The following MINAR1 variants were observed in gnomAD, a reference collection of about 807,000 sequenced individuals.
The protein encoded by MINAR1 is major intrinsically disordered Notch2-binding receptor 1.
Under a neutral mutation model 65.1 loss-of-function variants are expected in MINAR1, and 40 were observed. The ratio of observed to expected loss-of-function variants is 0.61; its 90% CI spans 0.48 to 0.80. The LOEUF is 0.80. MINAR1 is among the 30% of genes least tolerant of loss of function. The pLI is 0.00. For synonymous variants in MINAR1, 482 were observed against 449.1 expected, an observed-to-expected ratio of 1.07 and a Z score of -0.93; for missense variants, 1,128 against 1,148.0, an observed-to-expected ratio of 0.98 and a Z score of 0.25.
chr15:79,461,020 G>A (rs753336247), intron 2 of MINAR1, among the ~76,000 whole-genome samples: 2 of 152,128 alleles, frequency 1.3e-5, no homozygotes, highest in African/African-American at 2.4e-5. Flanking sequence ...TCCCGTCAAG[G>A]CCCCTTACTT....
In MINAR1 at chr15:79,468,310, G is replaced by A. The variant is rs143794901; in HGVS notation, c.2677G>A (p.Ala893Thr). ...EFRRAKVCKI[A>T]ALIAAAACTV... ...CAGACGAGCCAAGGTCTGCAAGATAGCTGCTCTGATCGCTGCTGCGGCATG... is the reference window on the plus strand; with the variant it reads ...CAGACGAGCCAAGGTCTGCAAGATAACTGCTCTGATCGCTGCTGCGGCATG... Residue 893 changes from alanine (A) to threonine (T), a missense_variant, in exon 4 of 4, where the codon GCT (alanine) becomes ACT (threonine). Physicochemically the swap from Ala to Thr is moderately conservative, Grantham distance 58 (BLOSUM62 0). Coordinates refer to ENST00000305428, the MANE Select transcript of MINAR1 (RefSeq NM_015206.3). 111 of 1,613,968 alleles carry A rather than the reference G, an allele frequency of 6.9e-5. No individual in the cohort carries two copies. The highest frequency in any genetic ancestry group is 4.3e-4 in the Admixed American group (26 of 59,992).
At chr15:79,446,094 T>C (rs1299995205) in intron 1 of MINAR1, among the ~76,000 whole-genome samples, 1 of 152,220 alleles carries the variant, frequency 6.6e-6, no homozygotes, top group Admixed American at 6.5e-5. Context: ...TGTTCCCTTG[T>C]TTTTTCTACA....
At chr15:79,431,237 GC>G (rs1010435374), upstream of MINAR1, among the ~76,000 whole-genome samples, 1 of 152,140 alleles carries the variant, frequency 6.6e-6, no homozygotes, top group African/African-American at 2.4e-5. Flanking sequence ...AGATTCCATG[GC>G]CCCGAAACTA....
rs1488507546 is a variant in MINAR1, at chr15:79,468,920, C to T, written c.*536C>T. On this transcript the variant is annotated 3_prime_UTR_variant, in exon 4 of 4. Transcript: ENST00000305428. Reference sequence around the variant, plus strand: ...CTTTTATCAAGGGCTACTGACGTTTCATTCTTGCCCTTTTGTCATCAACAC... The same window carrying T: ...CTTTTATCAAGGGCTACTGACGTTTTATTCTTGCCCTTTTGTCATCAACAC... 1 of 160,962 alleles carries T rather than the reference C, an allele frequency of 6.2e-6. No individual in the cohort carries two copies. The highest frequency in any genetic ancestry group is 1.4e-5 in the Non-Finnish European group (1 of 72,512). 10.0% of individuals were successfully genotyped at this position (160,962 alleles called of 1,614,324 possible).
chr15:79,415,516 G>A, the MINAR1 span: 2 of 152,166 alleles, frequency 1.3e-5, no homozygotes, highest in Admixed American at 6.5e-5. Context: ...TTTCTGCCAA[G>A]GGTGGCTGAA....
chr15:79,462,673 A>G (rs939014462), intron 2 of MINAR1, among the ~76,000 whole-genome samples: 1 of 151,988 alleles, frequency 6.6e-6, no homozygotes, highest in Non-Finnish European at 1.5e-5. Context: ...CATTAATATC[A>G]GTAGTTAAAC....
chr15:79,430,100 C>T (rs953055356), upstream of MINAR1, among the ~76,000 whole-genome samples: 4 of 152,212 alleles, frequency 2.6e-5, no homozygotes, highest in African/African-American at 9.7e-5. Context: ...CCAACTCTGG[C>T]TGGAACTGAG....
chr15:79,416,892 C>G, the MINAR1 span: 2 of 152,332 alleles, frequency 1.3e-5, no homozygotes, highest in African/African-American at 4.8e-5. Context: ...CTCCTCCTCT[C>G]AGCATCCTCA....
At chr15:79,426,390 G>C in the MINAR1 span, 2 of 152,228 alleles carry the variant, frequency 1.3e-5, no homozygotes, top group Non-Finnish European at 2.9e-5. Context: ...GGCCAAGCTC[G>C]GGCCACTTGC....
chr15:79,467,157 G>A (rs1895894221), intron 3 of MINAR1, among the ~76,000 whole-genome samples: 1 of 152,164 alleles, frequency 6.6e-6, no homozygotes, highest in South Asian at 2.1e-4. Flanking sequence ...ATCAATAAAT[G>A]GTACAACTGA....
intron 1 of MINAR1, among the ~76,000 whole-genome samples, chr15:79,454,640 G>A (rs763686912): frequency 6.6e-6 from 1 of 152,144 alleles, no homozygotes; most frequent in East Asian, 1.9e-4. Context: ...ATCTGTTAAT[G>A]TAGTGTTTTT....
chr15:79,468,582 A>G lies in MINAR1; in HGVS notation c.*198A>G. Reference sequence around the variant, plus strand: ...CTACCTACCTATTAGCTTTGACTCAATTACACTCTGACGCATTTTTAGAAG... The same window carrying G: ...CTACCTACCTATTAGCTTTGACTCAGTTACACTCTGACGCATTTTTAGAAG... On this transcript the variant is annotated 3_prime_UTR_variant, in exon 4 of 4. Transcript: ENST00000305428. The G allele has an allele frequency of 1.7e-6, 1 of 579,514 alleles. No homozygotes were observed. The highest frequency in any genetic ancestry group is 3.0e-6 in the Non-Finnish European group (1 of 329,366). The allele number at this position is 579,514 out of a possible 1,614,324, so 35.9% of individuals were successfully genotyped here.
Position 79,451,717 on chromosome 15 carries a change from G to T in MINAR1, c.-50-4381G>T, listed in dbSNP as rs371126658. On this transcript the variant is annotated intron_variant, in intron 1 of 3. Transcript: ENST00000305428. ...AGCTCTGAAGCCAGGTGGGATGGAA[G>T]TCCTGTGATTGGCCTCTCAGAGTCT... Among the ~76,000 whole-genome samples the T allele has an allele frequency of 1.1e-4, 16 of 152,346 alleles. No individual in the cohort carries two copies. The East Asian group carries it at 3.1e-3, about 29-fold the overall frequency.
Position 79,452,082 on chromosome 15 carries a change from G to C in MINAR1, c.-50-4016G>C, listed in dbSNP as rs184745129. 3.5e-4 allele frequency among the ~76,000 whole-genome samples: 54 copies of C among 152,226 alleles called. No homozygotes were observed. In the East Asian group the frequency reaches 7.5e-3, roughly 21 times the overall value. On this transcript the variant is annotated intron_variant, in intron 1 of 3. Coordinates refer to ENST00000305428, the MANE Select transcript of MINAR1 (RefSeq NM_015206.3). ...TGTGCAGAGGTGTGAATGTGTTTGT[G>C]GATGTGTGGGAGCTTGAGTACTTGT...
the MINAR1 span, chr15:79,423,675 A>G: frequency 1.3e-5 from 2 of 152,222 alleles, no homozygotes; most frequent in Non-Finnish European, 2.9e-5. Context: ...TGGTATAAAC[A>G]TTCAACACGT....
intron 1 of MINAR1, among the ~76,000 whole-genome samples, chr15:79,446,691 T>C (rs1895031845): frequency 6.6e-6 from 1 of 152,176 alleles, no homozygotes; most frequent in Non-Finnish European, 1.5e-5. Flanking sequence ...ATATGTCTTA[T>C]TTAGTATTTA....
intron 1 of MINAR1, among the ~76,000 whole-genome samples, chr15:79,448,086 C>T (rs1169574587): frequency 6.6e-6 from 1 of 152,194 alleles, no homozygotes; most frequent in Non-Finnish European, 1.5e-5. Flanking sequence ...GGGCATTTAG[C>T]TTGCTCTCGC....
chr15:79,458,260 A>C lies in MINAR1; in HGVS notation c.2113A>C (p.Thr705Pro), dbSNP rs1595949087. Residue 705 changes from threonine (T) to proline (P), a missense_variant, in exon 2 of 4, where the codon ACC (threonine) becomes CCC (proline). Physicochemically the swap from Thr to Pro is conservative, Grantham distance 38. Coordinates refer to ENST00000305428, the MANE Select transcript of MINAR1 (RefSeq NM_015206.3). ...RVKALKKSLF[T>P]RPSSRSLTEE... ...CAAGGCCTTAAAAAAAAGCCTCTTC[A>C]CCAGGCCATCCTCTAGGTCCCTAAC... is the stretch of plus-strand genomic sequence containing the variant. 6.2e-7 allele frequency: 1 copy of C among 1,614,154 alleles called. No individual in the cohort carries two copies. The highest frequency in any genetic ancestry group is 8.5e-7 in the Non-Finnish European group (1 of 1,180,030).
rs1276484672 is a variant in MINAR1 at position 79,468,659 on chromosome 15, A to G, written c.*275A>G. 2.4e-6 allele frequency: 1 copy of G among 417,722 alleles called. No individual in the cohort carries two copies. The highest frequency in any genetic ancestry group is 4.3e-5 in the East Asian group (1 of 23,220). The allele number at this position is 417,722 out of a possible 1,614,324, so 25.9% of individuals were successfully genotyped here. ...CATCATGGACTATCAATAAATACAA[A>G]TTGAATATTCCAAGCCAAAAAAGGA... On this transcript the variant is annotated 3_prime_UTR_variant, in exon 4 of 4. Coordinates refer to ENST00000305428, the MANE Select transcript of MINAR1 (RefSeq NM_015206.3).
Sources: gnomAD v4.1 joint callset for allele counts (sites outside exome capture counted in the v4.1 genomes callset) on GRCh38, gnomAD v4.1.1 for gene constraint, MANE v1.5 for transcripts, NCBI Gene and HGNC (gene_info 2026-07-23, HGNC 2026-07-21) for gene names.